OGDH: variants seen among roughly 807,000 people sequenced by gnomAD.
OGDH encodes the protein 2-oxoglutarate dehydrogenase complex component E1.
Under a neutral mutation model 116.6 loss-of-function variants are expected in OGDH, and 38 were observed. That is an observed-to-expected ratio of 0.33 (90% confidence interval 0.25 to 0.43). The LOEUF is 0.43. Among genes scored for constraint, OGDH ranks in the 20% least tolerant of loss-of-function variants. The pLI, the probability that OGDH is intolerant of heterozygous loss-of-function variation, is 1.00. For synonymous variants in OGDH, 488 were observed against 533.3 expected (o/e 0.92, Z 1.17); for missense variants, 825 against 1,357.2 (o/e 0.61, Z 6.16).
chr7:44,662,218 A>G (rs997363687), intron 4 of OGDH, among the ~76,000 whole-genome samples: 12 of 152,168 alleles, frequency 7.9e-5, no homozygotes, highest in Admixed American at 3.9e-4. Flanking sequence ...TCTTTCTTCC[A>G]TCTTGGTGTT....
At chr7:44,614,021 G>T (rs1381637356) in intron 1 of OGDH, among the ~76,000 whole-genome samples, 2 of 150,050 alleles carry the variant, frequency 1.3e-5, no homozygotes, top group African/African-American at 4.9e-5. Flanking sequence ...GGTCAGGCTG[G>T]TCTGAAACTC....
rs1786037416 is a variant in OGDH, at chr7:44,643,415, AG to A, written c.223-1910del. ...ATATTCTACAAAAAAGAAAAAGGGA[AG>A]GAAAAAAAAAGTATTCCACAAAACT... is the stretch of plus-strand genomic sequence containing the variant. On this transcript the variant is annotated intron_variant, in intron 2 of 22. Transcript: ENST00000222673. 1.3e-5 allele frequency among the ~76,000 whole-genome samples: 2 copies of A among 152,232 alleles called. 1 individual carries two copies. The highest frequency in any genetic ancestry group is 3.8e-4 in the East Asian group (2 of 5,200).
At chr7:44,681,084 G>A (rs1444174965) in intron 9 of OGDH, among the ~76,000 whole-genome samples, 1 of 152,206 alleles carries the variant, frequency 6.6e-6, no homozygotes, top group African/African-American at 2.4e-5. Context: ...CAAGGGGCTG[G>A]TTCAGACGCA....
intron 5 of OGDH, among the ~76,000 whole-genome samples, chr7:44,669,648 G>A (rs538171477): frequency 1.4e-4 from 21 of 152,224 alleles, no homozygotes; most frequent in African/African-American, 5.1e-4. Flanking sequence ...ATCATATGAA[G>A]GGGGTGGAGG....
At chr7:44,647,780 A>G (rs767286526) in intron 4 of OGDH, 21 bp downstream of exon 4, 1 of 1,596,084 alleles carries the variant, frequency 6.3e-7, no homozygotes, top group Admixed American at 1.7e-5. Flanking sequence ...GAGAGCAGTC[A>G]GCTGCGTTGC....
chr7:44,665,838 G>A (rs1478656119), intron 4 of OGDH, among the ~76,000 whole-genome samples: 2 of 152,214 alleles, frequency 1.3e-5, no homozygotes, highest in African/African-American at 4.8e-5. Context: ...ATAAAAGAAT[G>A]TATGGTGTCA....
intron 1 of OGDH, among the ~76,000 whole-genome samples, chr7:44,618,813 T>G (rs917110416): frequency 6.6e-6 from 1 of 152,226 alleles, no homozygotes; most frequent in Non-Finnish European, 1.5e-5. Context: ...ACCTACCTTG[T>G]CTGATTGTAG....
In OGDH at chr7:44,639,636, T is replaced by A. The variant is rs142079178; in HGVS notation, c.223-5691T>A. 3.5e-4 allele frequency among the ~76,000 whole-genome samples: 54 copies of A among 152,336 alleles called. 1 individual carries two copies. Among genetic ancestry groups the A allele is most frequent in the African/African-American group, 1.3e-3 (52 of 41,568 alleles). Reference sequence around the variant, plus strand: ...GATACAAAACATTCTATCACTCAATTCAAAAACCTTTTAGTATACCTCCAG... The same window carrying A: ...GATACAAAACATTCTATCACTCAATACAAAAACCTTTTAGTATACCTCCAG... On this transcript the variant is annotated intron_variant, in intron 2 of 22. Transcript: ENST00000222673.
At chr7:44,647,279 C>A (rs1562637801) in intron 3 of OGDH, among the ~76,000 whole-genome samples, 1 of 152,194 alleles carries the variant, frequency 6.6e-6, no homozygotes, top group South Asian at 2.1e-4. Context: ...CACAATAGTG[C>A]TTTTAAAATA....
At chr7:44,684,136 C>T (rs774528589) in intron 10 of OGDH, among the ~76,000 whole-genome samples, 3 of 152,076 alleles carry the variant, frequency 2.0e-5, no homozygotes, top group Non-Finnish European at 4.4e-5. Flanking sequence ...GGAGAGAGGT[C>T]CTAGTGTCTG....
At position 44,708,921 on chromosome 7, in the gene OGDH, G is replaced by A. The variant is rs957022392; in HGVS notation, c.*922G>A. On this transcript the variant is annotated 3_prime_UTR_variant, in exon 23 of 23. Coordinates refer to ENST00000222673, the MANE Select transcript of OGDH (RefSeq NM_002541.4). ...GGCTGGGGGTGAGGGGCCAGGCCAT[G>A]GCCAAGGGGCCAGCTGCCCCTCATT... 1 of 152,170 alleles carries A rather than the reference G, an allele frequency of 6.6e-6. No homozygotes were observed. Among genetic ancestry groups the A allele is most frequent in the South Asian group, 2.1e-4 (1 of 4,834 alleles). The allele number at this position is 152,170 out of a possible 1,614,324, so 9.4% of individuals were successfully genotyped here. A position where few individuals can be genotyped will look rare whatever the true frequency, so the allele number is the denominator to read the frequency against.
intron 4 of OGDH, among the ~76,000 whole-genome samples, chr7:44,661,885 C>T (rs190586333): frequency 2.6e-4 from 40 of 152,304 alleles, no homozygotes; most frequent in African/African-American, 9.6e-4. Flanking sequence ...AGGCGTGAGC[C>T]ACCACGCCTG....
chr7:44,674,341 G>A (rs760880859), intron 6 of OGDH, 70 bp from the exon 7 acceptor site: 1 of 1,594,590 alleles, frequency 6.3e-7, no homozygotes, highest in Non-Finnish European at 8.6e-7. Flanking sequence ...CTCCATGCCT[G>A]GCCAGAATCC....
chr7:44,618,246 A>G lies in OGDH; in HGVS notation c.-27-6071A>G, dbSNP rs543103361. Among the ~76,000 whole-genome samples, 11 of 152,340 alleles carry G rather than the reference A, an allele frequency of 7.2e-5. No homozygotes were observed. The South Asian group carries it at 1.4e-3, about 20-fold the overall frequency. ...ATTAAAAAAATAACTTTATTGAGAC[A>G]TAATTCACATACCATACAATTCACT... On this transcript the variant is annotated intron_variant, in intron 1 of 22. Coordinates refer to ENST00000222673, the MANE Select transcript of OGDH (RefSeq NM_002541.4).
At chr7:44,695,936 G>T (rs1289643276) in intron 12 of OGDH, 89 bp from the exon 13 acceptor site, 2 of 733,966 alleles carry the variant, frequency 2.7e-6, no homozygotes, top group Admixed American at 2.0e-5. Context: ...GGCTTGCGTG[G>T]TGGCTGTCAG....
intron 9 of OGDH, among the ~76,000 whole-genome samples, chr7:44,677,288 C>T (rs1042159052): frequency 3.9e-5 from 6 of 152,162 alleles, no homozygotes; most frequent in African/African-American, 1.2e-4. Flanking sequence ...GCAAATAGCA[C>T]ATACACGGCA....
chr7:44,635,812 C>G (rs1785643714), intron 2 of OGDH, among the ~76,000 whole-genome samples: 2 of 151,822 alleles, frequency 1.3e-5, no homozygotes, highest in South Asian at 4.1e-4. Flanking sequence ...TCAAGCTATT[C>G]TCCTGCCTCA....
At chr7:44,700,949 G>T (rs10951770) in intron 19 of OGDH, among the ~76,000 whole-genome samples, 1 of 152,192 alleles carries the variant, frequency 6.6e-6, no homozygotes, top group African/African-American at 2.4e-5. Context: ...GCGTGAACCC[G>T]GGAGGCGGAG....
rs752597304 is a variant in OGDH, at chr7:44,708,863, T to G, written c.*864T>G. Reference sequence around the variant, plus strand: ...CTTTCTGATGCATCGTTTTCTTTGCTGTGCCAAAGCAGGTCAGAAGAGGGA... The same window carrying G: ...CTTTCTGATGCATCGTTTTCTTTGCGGTGCCAAAGCAGGTCAGAAGAGGGA... On this transcript the variant is annotated 3_prime_UTR_variant, in exon 23 of 23. Transcript: ENST00000222673. The G allele has an allele frequency of 1.3e-5, 2 of 152,100 alleles. No individual in the cohort carries two copies. The highest frequency in any genetic ancestry group is 2.9e-5 in the Non-Finnish European group (2 of 68,016). 9.4% of individuals were successfully genotyped at this position (152,100 alleles called of 1,614,324 possible). A position where few individuals can be genotyped will look rare whatever the true frequency, so the allele number is the denominator to read the frequency against.
Sources: allele counts gnomAD v4.1 joint callset (sites outside exome capture counted in the v4.1 genomes callset), GRCh38; gene constraint gnomAD v4.1.1; transcripts MANE v1.5; gene names NCBI Gene and HGNC (gene_info 2026-07-23, HGNC 2026-07-21).